Variants in CCDC192 observed in about 807,000 individuals in gnomAD.
CCDC192 encodes the protein coiled-coil domain containing 192, also known as coiled-coil domain-containing protein 192.
intron 5 of CCDC192, among the ~76,000 whole-genome samples, chr5:127,829,080 A>G (rs1749670414): frequency 6.6e-6 from 1 of 152,030 alleles, no homozygotes; most frequent in South Asian, 2.1e-4. Flanking sequence ...GAGATGGGAG[A>G]TGTCTAGAGG....
chr5:127,725,845 G>A lies in CCDC192; in HGVS notation c.114+18085G>A, dbSNP rs189182259. On this transcript the variant is annotated intron_variant, in intron 2 of 6. Coordinates refer to ENST00000514853, the MANE Select transcript of CCDC192 (RefSeq NM_001317938.2). ...AAGCTAAAAACAACATACACATGGCGTCTCCTCTTCTATACTATCTTGAAA... is the reference window on the plus strand; with the variant it reads ...AAGCTAAAAACAACATACACATGGCATCTCCTCTTCTATACTATCTTGAAA... 7.1e-4 allele frequency among the ~76,000 whole-genome samples: 108 copies of A among 152,258 alleles called. 1 individual carries two copies. Among genetic ancestry groups the A allele is most frequent in the Admixed American group, 5.6e-3 (86 of 15,294 alleles).
At chr5:127,759,367 G>A (rs2126884855) in intron 3 of CCDC192, among the ~76,000 whole-genome samples, 1 of 152,234 alleles carries the variant, frequency 6.6e-6, no homozygotes, top group South Asian at 2.1e-4. Context: ...AAGTTCTTGA[G>A]GGCACTGCCT....
intron 5 of CCDC192, among the ~76,000 whole-genome samples, chr5:127,858,023 G>A (rs1751176530): frequency 6.6e-6 from 1 of 152,124 alleles, no homozygotes; most frequent in African/African-American, 2.4e-5. Flanking sequence ...GTCTCCATTT[G>A]CTTATATGTA....
At chr5:127,904,894 A>T (rs1753154965) in intron 6 of CCDC192, among the ~76,000 whole-genome samples, 1 of 152,086 alleles carries the variant, frequency 6.6e-6, no homozygotes. Context: ...GTTTGCTCTG[A>T]CCAGTGTACT....
At chr5:127,809,642 T>A (rs1007163107) in intron 5 of CCDC192, among the ~76,000 whole-genome samples, 2 of 152,222 alleles carry the variant, frequency 1.3e-5, no homozygotes, top group African/African-American at 2.4e-5. Flanking sequence ...AAATAGTTAA[T>A]CTTTCCTTAT....
intron 2 of CCDC192, among the ~76,000 whole-genome samples, chr5:127,729,536 G>T (rs892027814): frequency 6.6e-4 from 101 of 152,180 alleles, no homozygotes; most frequent in African/African-American, 2.4e-3. Context: ...TGTATCTGCA[G>T]AACTCTCCAT....
At chr5:127,726,894 C>T (rs1470622690) in intron 2 of CCDC192, among the ~76,000 whole-genome samples, 3 of 152,212 alleles carry the variant, frequency 2.0e-5, no homozygotes, top group Non-Finnish European at 4.4e-5. Context: ...CACCAAGGGG[C>T]CACCAGAGTG....
chr5:127,898,685 A>T (rs1358132026), intron 6 of CCDC192, among the ~76,000 whole-genome samples: 1 of 152,164 alleles, frequency 6.6e-6, no homozygotes, highest in Non-Finnish European at 1.5e-5. Context: ...TGGACAAAGC[A>T]GCCTTCCAGG....
chr5:127,939,888 G>A (rs899730579), intron 6 of CCDC192, among the ~76,000 whole-genome samples: 6 of 152,280 alleles, frequency 3.9e-5, no homozygotes, highest in South Asian at 2.1e-4. Context: ...TGGAGACCAC[G>A]CATCAGGTTC....
chr5:127,896,005 TAA>T (rs1191128763), intron 6 of CCDC192, among the ~76,000 whole-genome samples: 2 of 152,218 alleles, frequency 1.3e-5, no homozygotes, highest in Non-Finnish European at 2.9e-5. Flanking sequence ...TTAACATACA[TAA>T]GAGTCCACTT....
intron 5 of CCDC192, among the ~76,000 whole-genome samples, chr5:127,835,704 TGTGAA>T: frequency 6.6e-6 from 1 of 152,236 alleles, no homozygotes; most frequent in South Asian, 2.1e-4. Context: ...AGAAAGTGTG[TGTGAA>T]GTGAAGAGGG....
chr5:127,822,558 A>G (rs1034579023), intron 5 of CCDC192, among the ~76,000 whole-genome samples: 2 of 152,150 alleles, frequency 1.3e-5, no homozygotes, highest in Non-Finnish European at 2.9e-5. Flanking sequence ...ATGAAAAGGG[A>G]GAGGGGTTCT....
At chr5:127,739,375 G>A (rs1461392437) in intron 2 of CCDC192, among the ~76,000 whole-genome samples, 2 of 152,134 alleles carry the variant, frequency 1.3e-5, no homozygotes, top group African/African-American at 4.8e-5. Flanking sequence ...GGTTACTGCT[G>A]TCTTTTTGTT....
At chr5:127,818,222 TACTTG>T (rs1292611448) in intron 5 of CCDC192, among the ~76,000 whole-genome samples, 1 of 152,172 alleles carries the variant, frequency 6.6e-6, no homozygotes, top group Non-Finnish European at 1.5e-5. Flanking sequence ...GAGTCTAAAA[TACTTG>T]AATTTGAATA....
chr5:127,808,747 A>G (rs761529295), intron 5 of CCDC192, among the ~76,000 whole-genome samples: 1 of 152,100 alleles, frequency 6.6e-6, no homozygotes, highest in African/African-American at 2.4e-5. Context: ...TGCATATTCC[A>G]TGGATCTCTT....
In CCDC192 at chr5:127,704,838, AAAATAAATAAAT is replaced by A. The variant is rs57523949; in HGVS notation, c.62+1368_62+1379del. ...TGGGCGACAGAGCGAAACTCCATCTAAAATAAATAAATAAATAAATAAATAAATAAATAAATA... is the reference window on the plus strand; with the variant it reads ...TGGGCGACAGAGCGAAACTCCATCTAAAATAAATAAATAAATAAATAAATA... On this transcript the variant is annotated intron_variant, in intron 1 of 6. Transcript: ENST00000514853. 6.3e-3 allele frequency among the ~76,000 whole-genome samples: 908 copies of A among 144,490 alleles called. 7 individuals carry two copies. Among genetic ancestry groups the A allele is most frequent in the African/African-American group, 0.018 (730 of 39,488 alleles). 94.8% of individuals were successfully genotyped at this position (144,490 alleles called of 152,430 possible).
chr5:127,912,752 T>G (rs1318111016), intron 6 of CCDC192, among the ~76,000 whole-genome samples: 5 of 152,238 alleles, frequency 3.3e-5, no homozygotes, highest in Non-Finnish European at 5.9e-5. Context: ...CTATAGGTTC[T>G]TTCTTCCATT....
chr5:127,879,156 T>C (rs1752244178), intron 6 of CCDC192, among the ~76,000 whole-genome samples: 1 of 152,168 alleles, frequency 6.6e-6, no homozygotes, highest in South Asian at 2.1e-4. Flanking sequence ...AGAACAAAGC[T>C]GGAGGCATCA....
At chr5:127,802,996 CAGAA>C (rs1757586219) in intron 5 of CCDC192, among the ~76,000 whole-genome samples, 2 of 151,730 alleles carry the variant, frequency 1.3e-5, no homozygotes, top group Non-Finnish European at 2.9e-5. Context: ...AGAGTGGAAA[CAGAA>C]GGAAAAAAAT....
Sources: gnomAD v4.1 joint callset for allele counts (sites outside exome capture counted in the v4.1 genomes callset) on GRCh38, gnomAD v4.1.1 for gene constraint, MANE v1.5 for transcripts, NCBI Gene and HGNC (gene_info 2026-07-23, HGNC 2026-07-21) for gene names.